Variants in SP4 observed in about 807,000 individuals in gnomAD.
The protein encoded by SP4 is Sp4 transcription factor.
A neutral mutation model predicts 72.8 loss-of-function variants in SP4; 19 were observed. That is an observed-to-expected ratio of 0.26 (90% CI 0.18 to 0.38). The LOEUF is 0.38. Ranked by LOEUF, SP4 falls within the 10% of genes least tolerant of loss-of-function variation. The pLI is 1.00. For synonymous variants in SP4, 395 were observed against 333.1 expected, an observed-to-expected ratio of 1.19 and a Z score of -2.02; for missense variants, 1,008 against 926.3, an observed-to-expected ratio of 1.09 and a Z score of -1.14.
intron 3 of SP4, among the ~76,000 whole-genome samples, chr7:21,473,449 A>T (rs1336970451): frequency 6.6e-6 from 1 of 152,206 alleles, no homozygotes; most frequent in Non-Finnish European, 1.5e-5. Context: ...TTATTGAGTT[A>T]TTAGGCACTG....
Position 21,428,201 on chromosome 7 carries a change from C to A in SP4, c.-51C>A. 1.7e-6 allele frequency: 2 copies of A among 1,195,232 alleles called. No homozygotes were observed. The highest frequency in any genetic ancestry group is 2.4e-6 in the Non-Finnish European group (2 of 836,338). The allele number at this position is 1,195,232 out of a possible 1,614,324, so 74.0% of individuals were successfully genotyped here. A position where few individuals can be genotyped will look rare whatever the true frequency, so the allele number is the denominator to read the frequency against. Reference sequence around the variant, plus strand: ...TCCTCCCGCCTCGCCCCCACCCCCACCCACCTCTATCCCAGTGTCTCCGTC... The same window carrying A: ...TCCTCCCGCCTCGCCCCCACCCCCAACCACCTCTATCCCAGTGTCTCCGTC... On this transcript the variant is annotated 5_prime_UTR_variant, in exon 1 of 6. Transcript: ENST00000222584.
Position 21,430,084 on chromosome 7 carries a change from A to G in SP4, c.919A>G (p.Thr307Ala). The change falls in exon 3 of 6, where the codon ACC becomes GCC. Residue 307 changes from threonine to alanine, a missense_variant. Physicochemically the swap from Thr to Ala is moderately conservative, Grantham distance 58. Coordinates refer to ENST00000222584, the MANE Select transcript of SP4 (RefSeq NM_003112.5). ...GNQLVSTPTN[T>A]TTSASTMPES... is the part of the protein sequence containing the mutation. ...TCAATTAGTTTCCACACCCACCAAC[A>G]CCACTACTTCTGCCAGTACTATGCC... 1 of 1,614,072 alleles carries G rather than the reference A, an allele frequency of 6.2e-7. No individual in the cohort carries two copies. Among genetic ancestry groups the G allele is most frequent in the African/African-American group, 1.3e-5 (1 of 74,998 alleles).
chr7:21,429,185 G>A (rs1782739926), intron 2 of SP4, 104 bp from the exon 3 acceptor site: 1 of 634,826 alleles, frequency 1.6e-6, no homozygotes, highest in Non-Finnish European at 2.8e-6. Context: ...AAATTGTTAT[G>A]TAGAGCTGTC....
intron 5 of SP4, among the ~76,000 whole-genome samples, chr7:21,504,500 G>A (rs950311223): frequency 6.6e-6 from 1 of 151,934 alleles, no homozygotes; most frequent in Non-Finnish European, 1.5e-5. Flanking sequence ...GCCATCTCTC[G>A]TTCGTCACAA....
chr7:21,437,936 C>T (rs1035032730), intron 3 of SP4, among the ~76,000 whole-genome samples: 13 of 150,558 alleles, frequency 8.6e-5, no homozygotes, highest in African/African-American at 3.2e-4. Flanking sequence ...TAGCAATAAT[C>T]AAAGAACGGA....
chr7:21,463,161 G>T (rs2128403024), intron 3 of SP4, among the ~76,000 whole-genome samples: 1 of 152,008 alleles, frequency 6.6e-6, no homozygotes, highest in African/African-American at 2.4e-5. Flanking sequence ...TCAATGTTTG[G>T]AGAACCAGTC....
intron 2 of SP4, 30 bp from the exon 3 acceptor site, chr7:21,429,251 TCCCCCCCC>T: frequency 9.7e-7 from 1 of 1,026,090 alleles, no homozygotes; most frequent in African/African-American, 1.7e-5. Flanking sequence ...CCACTTTTTT[TCCCCCCCC>T]CCTCTCCTTT....
chr7:21,504,742 T>C (rs1781952612), intron 5 of SP4, among the ~76,000 whole-genome samples: 1 of 152,238 alleles, frequency 6.6e-6, no homozygotes, highest in Admixed American at 6.5e-5. Context: ...TCAAACTATC[T>C]CCCGGCTTTT....
Position 21,430,579 on chromosome 7 carries a change from G to C in SP4, c.1414G>C (p.Val472Leu), listed in dbSNP as rs777300646. The C allele has an allele frequency of 7.4e-6, 12 of 1,614,118 alleles. No individual in the cohort carries two copies. In the Admixed American group the frequency reaches 8.3e-5, roughly 11 times the overall value. Residue 472 changes from valine (V) to leucine (L), a missense_variant, in exon 3 of 6, where the codon GTA becomes CTA. Transcript: ENST00000222584. The part of the protein sequence containing the change: ...TPSGQISWQT[V>L]QVQNIQSLSN... ...TTCAGGGCAAATCAGTTGGCAAACT[G>C]TACAGGTTCAGAATATTCAGAGTCT... is the stretch of plus-strand genomic sequence containing the variant.
At chr7:21,462,379 A>G (rs182172331) in intron 3 of SP4, among the ~76,000 whole-genome samples, 106 of 152,322 alleles carry the variant, frequency 7.0e-4, no homozygotes, top group African/African-American at 2.4e-3. Context: ...ATAAAAATAA[A>G]AAAGAATTTG....
rs1353611810 is a variant in SP4 at position 21,477,249 on chromosome 7, G to T, written c.1849G>T (p.Gly617Cys). ...QQTSDQEVQP[G>C]KRLRRVACSC... is the part of the protein sequence containing the mutation. Reference sequence around the variant, plus strand: ...GACTTCTGATCAAGAGGTACAACCTGGCAAGAGGCTTCGAAGAGTTGCCTG... The same window carrying T: ...GACTTCTGATCAAGAGGTACAACCTTGCAAGAGGCTTCGAAGAGTTGCCTG... Residue 617 changes from glycine to cysteine, a missense_variant, in exon 4 of 6, where the codon GGC becomes TGC. This residue lies in a region of SP4 where 893 missense variants were observed against 743.3 expected (regional missense o/e 1.20). Coordinates refer to ENST00000222584, the MANE Select transcript of SP4 (RefSeq NM_003112.5). 5 of 1,614,062 alleles carry T rather than the reference G, an allele frequency of 3.1e-6. No homozygotes were observed. The highest frequency in any genetic ancestry group is 1.3e-5 in the African/African-American group (1 of 74,920).
intron 5 of SP4, among the ~76,000 whole-genome samples, chr7:21,508,159 C>T (rs186155374): frequency 7.2e-5 from 11 of 152,214 alleles, no homozygotes; most frequent in Non-Finnish European, 1.2e-4. Context: ...CCACCCAAAT[C>T]GGGTGGGACA....
intron 3 of SP4, among the ~76,000 whole-genome samples, chr7:21,445,555 A>G (rs1409350220): frequency 1.3e-5 from 2 of 152,152 alleles, no homozygotes; most frequent in African/African-American, 4.8e-5. Flanking sequence ...GAAACAAAAC[A>G]GACATGTTCT....
intron 5 of SP4, among the ~76,000 whole-genome samples, 183 bp downstream of exon 5, chr7:21,482,306 TCTA>T (rs1327433223): frequency 7.2e-5 from 11 of 152,224 alleles, no homozygotes; most frequent in Admixed American, 5.9e-4. Context: ...TACATTTTAT[TCTA>T]CTTTTTGTAA....
intron 3 of SP4, among the ~76,000 whole-genome samples, chr7:21,458,772 A>C (rs1353250808): frequency 6.6e-6 from 1 of 151,800 alleles, no homozygotes; most frequent in Non-Finnish European, 1.5e-5. Context: ...CTTAGGTGGC[A>C]CCCCCTTCCC....
intron 3 of SP4, among the ~76,000 whole-genome samples, chr7:21,458,221 C>T (rs1783835728): frequency 6.6e-6 from 1 of 152,106 alleles, no homozygotes; most frequent in South Asian, 2.1e-4. Flanking sequence ...GGGATGGAGT[C>T]TCACTCTGTT....
chr7:21,502,356 C>T (rs917013147), intron 5 of SP4, among the ~76,000 whole-genome samples: 1 of 152,128 alleles, frequency 6.6e-6, no homozygotes. Flanking sequence ...GCTTATTGAA[C>T]TCTGCCCCCT....
chr7:21,495,322 G>T (rs946441091), intron 5 of SP4, among the ~76,000 whole-genome samples: 1 of 152,040 alleles, frequency 6.6e-6, no homozygotes, highest in African/African-American at 2.4e-5. Flanking sequence ...CAGACTGGGA[G>T]AAAGTGTTTG....
At chr7:21,467,941 TTAAA>T (rs1446493468) in intron 3 of SP4, among the ~76,000 whole-genome samples, 1 of 152,182 alleles carries the variant, frequency 6.6e-6, no homozygotes, top group African/African-American at 2.4e-5. Flanking sequence ...ATGATTATTA[TTAAA>T]TAGGTCAATT....
Sources: allele counts gnomAD v4.1 joint callset (sites outside exome capture counted in the v4.1 genomes callset), GRCh38; gene constraint gnomAD v4.1.1; regional missense constraint gnomAD v4.1.1; transcripts MANE v1.5; gene names NCBI Gene and HGNC (gene_info 2026-07-23, HGNC 2026-07-21).